TSPAN15: variants seen among roughly 807,000 people sequenced by gnomAD.
TSPAN15 encodes the protein tetraspanin-15.
In TSPAN15, 20 loss-of-function variants were observed where a neutral mutation model predicts 34.5. The ratio of observed to expected loss-of-function variants is 0.58; its 90% confidence interval spans 0.41 to 0.84. TSPAN15 has a LOEUF of 0.84. TSPAN15 is among the 40% of genes least tolerant of loss of function. TSPAN15 has a pLI of 0.00. For synonymous variants in TSPAN15, 155 were observed against 153.9 expected (o/e 1.01, Z -0.05); for missense variants, 313 against 386.1 (o/e 0.81, Z 1.59).
intron 1 of TSPAN15, among the ~76,000 whole-genome samples, chr10:69,475,742 G>A (rs1392759460): frequency 6.6e-6 from 1 of 152,164 alleles, no homozygotes; most frequent in East Asian, 1.9e-4. Flanking sequence ...ACAGACTGGT[G>A]TGCCCACTTT....
the TSPAN15 span, among the ~76,000 whole-genome samples, chr10:69,517,016 T>C: frequency 1.3e-5 from 2 of 152,202 alleles, no homozygotes; most frequent in Non-Finnish European, 2.9e-5. Flanking sequence ...CATGTTGGAC[T>C]CCTTATAGGC....
chr10:69,514,065 C>G, the TSPAN15 span, among the ~76,000 whole-genome samples: 1 of 152,190 alleles, frequency 6.6e-6, no homozygotes, highest in African/African-American at 2.4e-5. Context: ...TCCAGGTTGA[C>G]TAAGTTCTCT....
In TSPAN15 at chr10:69,507,367, C is replaced by G. The variant is rs1842354554; in HGVS notation, c.*389C>G. On this transcript the variant is annotated 3_prime_UTR_variant, in exon 8 of 8. Transcript: ENST00000373290. The stretch of plus-strand genomic sequence containing the variant: ...CTGTAATTGGGGAGAGGGAGTGTGC[C>G]CCTCGGGGCAGGAGGGAAGGGCATC... 5 of 1,211,180 alleles carry G rather than the reference C, an allele frequency of 4.1e-6. No homozygotes were observed. The South Asian group carries it at 7.7e-5, about 19-fold the overall frequency. 75.0% of individuals were successfully genotyped at this position (1,211,180 alleles called of 1,614,324 possible).
Position 69,506,307 on chromosome 10 carries a change from G to T in TSPAN15, c.735+67G>T, listed in dbSNP as rs1023513579. The T allele has an allele frequency of 6.7e-7, 1 of 1,486,374 alleles. No homozygotes were observed. Among genetic ancestry groups the T allele is most frequent in the African/African-American group, 1.4e-5 (1 of 72,360 alleles). 92.1% of individuals were successfully genotyped at this position (1,486,374 alleles called of 1,614,324 possible). ...TGCAGAAGGGCAGAGAAGGTGCAGAGGGGAAGAGCGAAGAGGCTTTTTTCA... is the reference window on the plus strand; with the variant it reads ...TGCAGAAGGGCAGAGAAGGTGCAGATGGGAAGAGCGAAGAGGCTTTTTTCA... On this transcript the variant is annotated intron_variant, in intron 7 of 7. Coordinates refer to ENST00000373290, the MANE Select transcript of TSPAN15 (RefSeq NM_012339.5). This position sits in a 1 kb window ranked among gnomAD's most constrained non-coding sequence, Gnocchi z 4.7.
intron 1 of TSPAN15, among the ~76,000 whole-genome samples, chr10:69,457,777 C>G (rs188866599): frequency 6.6e-6 from 1 of 152,294 alleles, no homozygotes; most frequent in East Asian, 1.9e-4. Flanking sequence ...CTTCCATGCA[C>G]CTAACCTACC....
chr10:69,494,647 G>A, intron 3 of TSPAN15: 2 of 985,414 alleles, frequency 2.0e-6, no homozygotes, highest in Non-Finnish European at 2.4e-6. Context: ...CCAGAGAGGA[G>A]AAGTAAGCCG....
In TSPAN15 at chr10:69,506,974, A is replaced by T. The variant is rs764444203; in HGVS notation, c.881A>T (p.Asn294Ile). ...AGTGCCLCYP[N>I] Reference sequence around the variant, plus strand: ...ACGGGATGCTGCTTGTGCTACCCCAATTAGGGCCCAGCCTGCCATGGCAGC... The same window carrying T: ...ACGGGATGCTGCTTGTGCTACCCCATTTAGGGCCCAGCCTGCCATGGCAGC... The change falls in exon 8 of 8, where the codon AAT becomes ATT. Residue 294 changes from asparagine (N) to isoleucine (I), a missense_variant. Asn to Ile is a moderately radical substitution (Grantham distance 149, BLOSUM62 -3). Transcript: ENST00000373290. This position sits in a 1 kb window ranked among gnomAD's most constrained non-coding sequence, Gnocchi z 4.7. 3 of 1,608,152 alleles carry T rather than the reference A, an allele frequency of 1.9e-6. No homozygotes were observed. In the South Asian group the frequency reaches 3.4e-5, roughly 18 times the overall value.
intron 1 of TSPAN15, among the ~76,000 whole-genome samples, chr10:69,453,415 C>A (rs888725655): frequency 6.6e-6 from 1 of 152,140 alleles, no homozygotes; most frequent in African/African-American, 2.4e-5. Context: ...GATTTCTGTG[C>A]CTGCCCCTTG....
intron 1 of TSPAN15, among the ~76,000 whole-genome samples, chr10:69,469,871 C>T (rs1489805226): frequency 6.6e-6 from 1 of 152,106 alleles, no homozygotes; most frequent in African/African-American, 2.4e-5. Flanking sequence ...GCACATTAAC[C>T]TGTGGGATCT....
At chr10:69,539,529 GAAGA>G in the TSPAN15 span, among the ~76,000 whole-genome samples, 34 of 106,698 alleles carry the variant, frequency 3.2e-4, no homozygotes, top group Non-Finnish European at 6.4e-4. Context: ...AGAAGAAGAA[GAAGA>G]AGAAGGAGAA....
At chr10:69,510,716 C>T (rs566189074), downstream of TSPAN15, among the ~76,000 whole-genome samples, 6 of 152,290 alleles carry the variant, frequency 3.9e-5, no homozygotes, top group African/African-American at 1.2e-4. Flanking sequence ...GTGGGTTTGT[C>T]ATAAATAGCT....
At chr10:69,452,357 CTTTTA>C (rs1000374467) in intron 1 of TSPAN15, among the ~76,000 whole-genome samples, 1 of 152,268 alleles carries the variant, frequency 6.6e-6, no homozygotes. Context: ...TCCGAGTGGT[CTTTTA>C]TTTTATATTT....
rs187040780 is a variant in TSPAN15 at position 69,499,203 on chromosome 10, C to T, written c.570+807C>T. ...CGAGGTGGAGAGCTTTGCAATTACT[C>T]ATGGCCCAGATAGTCATGGAAAGTT... On this transcript the variant is annotated intron_variant, in intron 5 of 7. Transcript: ENST00000373290. Among the ~76,000 whole-genome samples, 201 of 152,358 alleles carry T rather than the reference C, an allele frequency of 1.3e-3. 1 individual carries two copies. The highest frequency in any genetic ancestry group is 7.3e-4 in the Non-Finnish European group (50 of 68,038).
chr10:69,469,106 G>A (rs1005834079), intron 1 of TSPAN15, among the ~76,000 whole-genome samples: 25 of 150,076 alleles, frequency 1.7e-4, no homozygotes, highest in African/African-American at 5.8e-4. Flanking sequence ...TGAGCTCTAT[G>A]TAAAACTTTT....
intron 1 of TSPAN15, among the ~76,000 whole-genome samples, chr10:69,451,919 C>A (rs566463117): frequency 1.3e-5 from 2 of 152,348 alleles, no homozygotes; most frequent in South Asian, 4.1e-4. Flanking sequence ...CGAGTGCCAC[C>A]TGGCTCACCT....
At chr10:69,471,758 A>T (rs1841513160) in intron 1 of TSPAN15, among the ~76,000 whole-genome samples, 1 of 151,882 alleles carries the variant, frequency 6.6e-6, no homozygotes, top group Admixed American at 6.6e-5. Flanking sequence ...CACCTGGCTA[A>T]TTCTTCTTAC....
At chr10:69,477,752 C>T (rs1272062880) in intron 1 of TSPAN15, among the ~76,000 whole-genome samples, 1 of 152,196 alleles carries the variant, frequency 6.6e-6, no homozygotes, top group Non-Finnish European at 1.5e-5. Flanking sequence ...ATAAAAGGCC[C>T]ATCTGGTAGC....
chr10:69,464,172 C>A (rs1301270420), intron 1 of TSPAN15, among the ~76,000 whole-genome samples: 1 of 152,264 alleles, frequency 6.6e-6, no homozygotes, highest in Non-Finnish European at 1.5e-5. Flanking sequence ...TCACCAGACA[C>A]CTTGGCCTCT....
intron 1 of TSPAN15, among the ~76,000 whole-genome samples, chr10:69,468,683 C>T (rs1243373565): frequency 6.6e-6 from 1 of 151,912 alleles, no homozygotes; most frequent in East Asian, 1.9e-4. Flanking sequence ...AGGCTGCAGT[C>T]GTTGTGACCC....
Sources: gnomAD v4.1 joint callset for allele counts (sites outside exome capture counted in the v4.1 genomes callset) on GRCh38, gnomAD v4.1.1 for gene constraint, Gnocchi (gnomAD v3.1) non-coding constraint, MANE v1.5 for transcripts, NCBI Gene and HGNC (gene_info 2026-07-23, HGNC 2026-07-21) for gene names.